Variants in MDFIC2 observed in about 807,000 individuals in gnomAD.
MDFIC2 encodes myoD family inhibitor domain-containing protein 2.
rs550677419 is a variant in MDFIC2, at chr3:70,201,879, G to A, written c.310+4690C>T. On this transcript the variant is annotated intron_variant, in intron 3 of 3. Coordinates refer to ENST00000567252, the MANE Select transcript of MDFIC2 (RefSeq NM_001364677.1). ...TTCTGTCTAGATTCAGCCAGTAGAA[G>A]GCAGTAACTGGAACCTGCAAGATGG... Among the ~76,000 whole-genome samples the A allele has an allele frequency of 3.3e-5, 5 of 152,300 alleles. No homozygotes were observed. In the East Asian group the frequency reaches 9.7e-4, roughly 29 times the overall value.
Position 70,239,268 on chromosome 3 carries a change from T to C in MDFIC2, c.89-32478A>G, listed in dbSNP as rs536317851. 2.6e-5 allele frequency among the ~76,000 whole-genome samples: 4 copies of C among 152,146 alleles called. No homozygotes were observed. In the East Asian group the frequency reaches 7.7e-4, roughly 29 times the overall value. Reference sequence around the variant, plus strand: ...ATTGTTATCTTGATTTCAAAGATTGTTTTAAAAAATCAAATGGTTTTCACA... The same window carrying C: ...ATTGTTATCTTGATTTCAAAGATTGCTTTAAAAAATCAAATGGTTTTCACA... On this transcript the variant is annotated intron_variant, in intron 2 of 3. Coordinates refer to ENST00000567252, the MANE Select transcript of MDFIC2 (RefSeq NM_001364677.1).
chr3:70,199,847 G>T (rs1701220660), intron 3 of MDFIC2, among the ~76,000 whole-genome samples: 1 of 152,138 alleles, frequency 6.6e-6, no homozygotes, highest in Non-Finnish European at 1.5e-5. Context: ...CCATCCAAAA[G>T]TGTATACCAT....
At chr3:70,292,943 A>G (rs1039704754) in intron 2 of MDFIC2, among the ~76,000 whole-genome samples, 5 of 151,928 alleles carry the variant, frequency 3.3e-5, no homozygotes, top group African/African-American at 9.6e-5. Context: ...AAAAACATAC[A>G]TACAATTAAT....
At chr3:70,226,825 T>C (rs985795208) in intron 2 of MDFIC2, among the ~76,000 whole-genome samples, 7 of 151,056 alleles carry the variant, frequency 4.6e-5, no homozygotes, top group African/African-American at 1.7e-4. Context: ...TTGTAGAATA[T>C]GGAAGTGTAA....
At chr3:70,292,719 A>T (rs1199747001) in intron 2 of MDFIC2, among the ~76,000 whole-genome samples, 1 of 152,060 alleles carries the variant, frequency 6.6e-6, no homozygotes, top group African/African-American at 2.4e-5. Flanking sequence ...TTAAAACTAG[A>T]TCTTTGATCA....
chr3:70,255,283 C>A (rs1202752833), intron 2 of MDFIC2, among the ~76,000 whole-genome samples: 1 of 152,122 alleles, frequency 6.6e-6, no homozygotes, highest in Non-Finnish European at 1.5e-5. Flanking sequence ...AACAAAACTT[C>A]TATGAAAAAA....
intron 2 of MDFIC2, among the ~76,000 whole-genome samples, chr3:70,227,697 A>G (rs773985950): frequency 2.6e-5 from 4 of 152,226 alleles, no homozygotes; most frequent in Non-Finnish European, 5.9e-5. Context: ...GATGCCAGAT[A>G]GTGTTCTGAG....
intron 2 of MDFIC2, among the ~76,000 whole-genome samples, chr3:70,254,766 C>T (rs1701799371): frequency 6.6e-6 from 1 of 152,166 alleles, no homozygotes; most frequent in Non-Finnish European, 1.5e-5. Flanking sequence ...ATCACCTCTC[C>T]ATAGTAACTA....
At chr3:70,283,942 T>C (rs900760833) in intron 2 of MDFIC2, 1 of 152,130 alleles carries the variant, frequency 6.6e-6, no homozygotes, top group African/African-American at 2.4e-5. Flanking sequence ...TTATTAACTC[T>C]GCTTTACTTC....
At chr3:70,281,957 C>G (rs542986453) in intron 2 of MDFIC2, among the ~76,000 whole-genome samples, 1 of 152,304 alleles carries the variant, frequency 6.6e-6, no homozygotes, top group South Asian at 2.1e-4. Context: ...CTGTGTACTG[C>G]ACAAGGCCAG....
rs1701986869 is a variant in MDFIC2, at chr3:70,272,769, T to G, written c.88+39117A>C. ...TCCTTCCTCTAAATTCCCCTTGCTT[T>G]CTTTCCTCCATTGGAAAGCATAAAT... On this transcript the variant is annotated intron_variant, in intron 2 of 3. Transcript: ENST00000567252. Among the ~76,000 whole-genome samples the G allele has an allele frequency of 2.6e-5, 4 of 152,242 alleles. No individual in the cohort carries two copies. In the South Asian group the frequency reaches 8.3e-4, roughly 31 times the overall value.
intron 2 of MDFIC2, among the ~76,000 whole-genome samples, chr3:70,228,615 C>T (rs530845770): frequency 2.4e-4 from 35 of 148,004 alleles, no homozygotes; most frequent in Middle Eastern, 3.6e-3. Flanking sequence ...CCTGATGAAA[C>T]ATTTAAGTTT....
At chr3:70,297,859 A>G (rs906516680) in intron 2 of MDFIC2, among the ~76,000 whole-genome samples, 6 of 152,170 alleles carry the variant, frequency 3.9e-5, no homozygotes, top group African/African-American at 1.4e-4. Context: ...AATTTAATTC[A>G]TGATTGAAAA....
chr3:70,276,847 C>A (rs953197659), intron 2 of MDFIC2, among the ~76,000 whole-genome samples: 3 of 152,214 alleles, frequency 2.0e-5, no homozygotes, highest in Admixed American at 6.5e-5. Context: ...AAAAAATTGA[C>A]AAATCCTTCA....
intron 2 of MDFIC2, among the ~76,000 whole-genome samples, chr3:70,270,297 C>T (rs1328043633): frequency 6.6e-6 from 1 of 152,074 alleles, no homozygotes; most frequent in Admixed American, 6.6e-5. Flanking sequence ...TATTTCAAAG[C>T]ATGGGAAATA....
At position 70,195,695 on chromosome 3, in the gene MDFIC2, T is replaced by C. The variant is rs530261700; in HGVS notation, c.*1231A>G. On this transcript the variant is annotated 3_prime_UTR_variant, in exon 4 of 4. Coordinates refer to ENST00000567252, the MANE Select transcript of MDFIC2 (RefSeq NM_001364677.1). ...GTTTGGTTACTCATGCATGATGCTT[T>C]TTTATATTCAGTGAAAATATTAAGA... Among the ~76,000 whole-genome samples, 1 of 152,342 alleles carries C rather than the reference T, an allele frequency of 6.6e-6. No homozygotes were observed. The highest frequency in any genetic ancestry group is 2.1e-4 in the South Asian group (1 of 4,830).
chr3:70,306,553 G>A (rs1050751390), intron 2 of MDFIC2, among the ~76,000 whole-genome samples: 2 of 152,056 alleles, frequency 1.3e-5, no homozygotes, highest in Non-Finnish European at 2.9e-5. Context: ...AGAGAATAAA[G>A]CTTGTTTATT....
At chr3:70,266,547 C>G (rs1450635811) in intron 2 of MDFIC2, among the ~76,000 whole-genome samples, 1 of 152,056 alleles carries the variant, frequency 6.6e-6, no homozygotes, top group Non-Finnish European at 1.5e-5. Context: ...GCCTCAGCCT[C>G]CCGAGTAGCT....
chr3:70,203,296 T>C (rs1385652981), intron 3 of MDFIC2, among the ~76,000 whole-genome samples: 1 of 152,134 alleles, frequency 6.6e-6, no homozygotes, highest in Non-Finnish European at 1.5e-5. Flanking sequence ...CACTGATTAC[T>C]AAAAGTTTCC....
Sources: gnomAD v4.1 joint callset for allele counts (sites outside exome capture counted in the v4.1 genomes callset) on GRCh38, gnomAD v4.1.1 for gene constraint, MANE v1.5 for transcripts, NCBI Gene and HGNC (gene_info 2026-07-23, HGNC 2026-07-21) for gene names.